DLC1: variants seen among roughly 807,000 people sequenced by gnomAD.
DLC1 encodes rho GTPase-activating protein 7.
DLC1 carries 54 observed loss-of-function variants against 140.3 expected under a neutral mutation model. The ratio of observed to expected loss-of-function variants is 0.38; its 90% confidence interval spans 0.31 to 0.48. DLC1 has a LOEUF of 0.48. Ranked by LOEUF, DLC1 falls within the 20% of genes least tolerant of loss-of-function variation. The pLI is 0.96. For missense variants in DLC1, 2,536 were observed against 1,907.0 expected (o/e 1.33, Z -6.14); for synonymous variants, 986 against 728.1 (o/e 1.35, Z -5.70).
At position 13,431,408 on chromosome 8, in the gene DLC1, G is replaced by A. The variant is rs188925148; in HGVS notation, c.1024-29789C>T. On this transcript the variant is annotated intron_variant, in intron 2 of 17. Coordinates refer to ENST00000276297, the MANE Select transcript of DLC1 (RefSeq NM_182643.3). ...TGAGGCAGGAGAATGGTGTGAACCC[G>A]GGAGGCGGAGCTTGCAGTGAGCCAA... 3.6e-4 allele frequency among the ~76,000 whole-genome samples: 53 copies of A among 147,598 alleles called. 1 individual carries two copies. The highest frequency in any genetic ancestry group is 1.3e-3 in the African/African-American group (52 of 39,944).
chr8:13,404,205 G>T (rs1017454649), intron 2 of DLC1, among the ~76,000 whole-genome samples: 1 of 152,106 alleles, frequency 6.6e-6, no homozygotes, highest in African/African-American at 2.4e-5. Flanking sequence ...GCAGGAAATG[G>T]GTGGGCTATG....
intron 7 of DLC1, among the ~76,000 whole-genome samples, chr8:13,107,810 T>C (rs950280872): frequency 1.3e-5 from 2 of 152,102 alleles, no homozygotes; most frequent in African/African-American, 4.8e-5. Context: ...CCCAGCCCTT[T>C]GGGAGCCCAA....
intron 1 of DLC1, among the ~76,000 whole-genome samples, chr8:13,550,956 T>C (rs1803824526): frequency 6.6e-6 from 1 of 152,032 alleles, no homozygotes; most frequent in East Asian, 1.9e-4. Flanking sequence ...TATGTTTTTC[T>C]CTTGCAAGAA....
At chr8:13,227,042 A>G in intron 5 of DLC1, among the ~76,000 whole-genome samples, 1 of 152,044 alleles carries the variant, frequency 6.6e-6, no homozygotes, top group Admixed American at 6.6e-5. Context: ...TGTATGGTAT[A>G]GGGGGCGGGG....
intron 6 of DLC1, among the ~76,000 whole-genome samples, chr8:13,112,926 A>C (rs537964203): frequency 6.6e-6 from 1 of 152,310 alleles, no homozygotes; most frequent in South Asian, 2.1e-4. Context: ...TACAGAGTAT[A>C]ATATCAGATC....
chr8:13,564,288 A>G (rs1020032913), intron 1 of DLC1, among the ~76,000 whole-genome samples: 4 of 152,204 alleles, frequency 2.6e-5, no homozygotes, highest in African/African-American at 9.7e-5. Context: ...TTGAACAACT[A>G]TAAATAAAAT....
chr8:13,122,802 G>GAAAA (rs34886200), intron 5 of DLC1, among the ~76,000 whole-genome samples: 36 of 120,678 alleles, frequency 3.0e-4, no homozygotes, highest in African/African-American at 8.3e-4. Flanking sequence ...TGCATAGTCT[G>GAAAA]AAAAAAAAAA....
intron 1 of DLC1, among the ~76,000 whole-genome samples, chr8:13,592,861 G>A (rs142641000): frequency 5.5e-4 from 83 of 152,132 alleles, no homozygotes; most frequent in Non-Finnish European, 9.9e-4. Context: ...CCATGTTAGC[G>A]TCCCAATTAT....
intron 5 of DLC1, among the ~76,000 whole-genome samples, chr8:13,200,828 C>A (rs943064281): frequency 6.6e-6 from 1 of 152,172 alleles, no homozygotes; most frequent in South Asian, 2.1e-4. Flanking sequence ...GAACTCCTGG[C>A]CTCAAGTGAT....
intron 5 of DLC1, among the ~76,000 whole-genome samples, chr8:13,188,539 G>C (rs1189362743): frequency 6.7e-6 from 1 of 149,068 alleles, no homozygotes; most frequent in Non-Finnish European, 1.5e-5. Context: ...TCTTAGGCTG[G>C]ATGGTGAGTA....
intron 2 of DLC1, among the ~76,000 whole-genome samples, chr8:13,451,768 T>C (rs1037555204): frequency 6.6e-6 from 1 of 152,236 alleles, no homozygotes; most frequent in African/African-American, 2.4e-5. Context: ...CATTCATGTG[T>C]TGATGGACAC....
At chr8:13,589,483 G>A (rs1805444744) in intron 1 of DLC1, among the ~76,000 whole-genome samples, 1 of 152,006 alleles carries the variant, frequency 6.6e-6, no homozygotes, top group African/African-American at 2.4e-5. Flanking sequence ...ACATTCAGGG[G>A]AAAGTTGGCT....
chr8:13,510,671 T>C (rs780472615), intron 1 of DLC1, among the ~76,000 whole-genome samples: 2 of 152,246 alleles, frequency 1.3e-5, no homozygotes, highest in South Asian at 4.2e-4. Context: ...TTGTCCATTA[T>C]TTTTTTCGGT....
intron 4 of DLC1, among the ~76,000 whole-genome samples, chr8:13,333,432 G>C (rs929502004): frequency 1.3e-5 from 2 of 151,694 alleles, no homozygotes; most frequent in African/African-American, 4.8e-5. Context: ...TTTTGTTTTA[G>C]TGATGAGGGT....
intron 4 of DLC1, among the ~76,000 whole-genome samples, chr8:13,381,514 A>G (rs1836255112): frequency 1.3e-5 from 2 of 152,170 alleles, no homozygotes; most frequent in African/African-American, 4.8e-5. Flanking sequence ...TGTGACTTTG[A>G]AAGCTAGGTC....
intron 4 of DLC1, among the ~76,000 whole-genome samples, chr8:13,310,110 C>A (rs1832613096): frequency 6.6e-6 from 1 of 152,156 alleles, no homozygotes. Flanking sequence ...CAACTGGCAG[C>A]TATGATACTA....
At chr8:13,523,464 T>C (rs1802819684) in intron 1 of DLC1, among the ~76,000 whole-genome samples, 1 of 152,162 alleles carries the variant, frequency 6.6e-6, no homozygotes, top group Non-Finnish European at 1.5e-5. Context: ...TATTAGAAAT[T>C]TCTAGAAGTG....
At chr8:13,594,385 A>G (rs752912701) in intron 1 of DLC1, among the ~76,000 whole-genome samples, 22 of 151,896 alleles carry the variant, frequency 1.4e-4, no homozygotes, top group Non-Finnish European at 2.6e-4. Flanking sequence ...TTCTATGGCC[A>G]TTGTTTTGAT....
chr8:13,435,311 T>C (rs1452733031), intron 2 of DLC1, among the ~76,000 whole-genome samples: 1 of 152,154 alleles, frequency 6.6e-6, no homozygotes, highest in African/African-American at 2.4e-5. Flanking sequence ...GATGAGGAGT[T>C]GTTTTTTCTT....
Sources: allele counts gnomAD v4.1 joint callset (sites outside exome capture counted in the v4.1 genomes callset), GRCh38; gene constraint gnomAD v4.1.1; transcripts MANE v1.5; gene names NCBI Gene and HGNC (gene_info 2026-07-23, HGNC 2026-07-21).